AFF3: variants seen among roughly 807,000 people sequenced by gnomAD.
AFF3 encodes the protein ALF transcription elongation factor 3.
A neutral mutation model predicts 129.7 loss-of-function variants in AFF3; 32 were observed. The observed-to-expected ratio is 0.25, with a 90% CI of 0.19 to 0.33. The LOEUF is 0.33. AFF3 is among the 10% of genes least tolerant of loss of function. AFF3 has a pLI of 1.00. For synonymous variants in AFF3, 644 were observed against 635.4 expected (o/e 1.01, Z -0.20); for missense variants, 1,373 against 1,592.0 (o/e 0.86, Z 2.34).
intron 11 of AFF3, among the ~76,000 whole-genome samples, chr2:99,687,019 C>T (rs1013401279): frequency 1.3e-5 from 2 of 152,224 alleles, no homozygotes; most frequent in African/African-American, 4.8e-5. Context: ...ATGGTTCCTC[C>T]CTTAGGGAGC....
At chr2:99,993,850 G>A (rs1680590646) in intron 7 of AFF3, among the ~76,000 whole-genome samples, 1 of 127,168 alleles carries the variant, frequency 7.9e-6, no homozygotes, top group Non-Finnish European at 1.6e-5. Flanking sequence ...TTGTTGCCCA[G>A]GCTGGAGTGC....
At chr2:99,784,482 G>A (rs1335947067) in intron 8 of AFF3, among the ~76,000 whole-genome samples, 1 of 152,196 alleles carries the variant, frequency 6.6e-6, no homozygotes. Flanking sequence ...TCCCTCTAGA[G>A]GCCTGAAACA....
chr2:100,088,413 A>G (rs1470468708), intron 4 of AFF3, among the ~76,000 whole-genome samples: 2 of 152,090 alleles, frequency 1.3e-5, no homozygotes, highest in African/African-American at 4.8e-5. Flanking sequence ...GGCACCTAAA[A>G]AGCTTCCTCT....
Position 99,882,908 on chromosome 2 carries a change from T to G in AFF3, c.874-45384A>C, listed in dbSNP as rs566781820. Among the ~76,000 whole-genome samples, 3 of 152,338 alleles carry G rather than the reference T, an allele frequency of 2.0e-5. No individual in the cohort carries two copies. In the South Asian group the frequency reaches 6.2e-4, roughly 32 times the overall value. ...CACTAATTAGTGAGGAAGAAGCCAA[T>G]GTCCTGTGTTGATAGGGCCCGGTGC... On this transcript the variant is annotated intron_variant, in intron 7 of 24. Coordinates refer to ENST00000672756, the MANE Select transcript of AFF3 (RefSeq NM_001386135.1).
At position 99,547,441 on chromosome 2, in the gene AFF3, A is replaced by C. The variant is rs1479870647; in HGVS notation, c.*4033T>G. On this transcript the variant is annotated 3_prime_UTR_variant, in exon 25 of 25. Transcript: ENST00000672756. ...TCTCTTGGGAATCTACAAATAGGAA[A>C]TCACACGCAGATTACTGGGTCTGAA... 3 of 216,088 alleles carry C rather than the reference A, an allele frequency of 1.4e-5. No individual in the cohort carries two copies. The highest frequency in any genetic ancestry group is 4.5e-5 in the African/African-American group (2 of 44,378). 13.4% of individuals were successfully genotyped at this position (216,088 alleles called of 1,614,324 possible).
intron 13 of AFF3, among the ~76,000 whole-genome samples, chr2:99,646,583 G>T (rs1684715377): frequency 6.6e-6 from 1 of 152,214 alleles, no homozygotes; most frequent in Non-Finnish European, 1.5e-5. Flanking sequence ...AGTAGCCAGA[G>T]ATATTGGGCC....
Position 99,892,117 on chromosome 2 carries a change from C to T in AFF3, c.874-54593G>A, listed in dbSNP as rs149102671. Among the ~76,000 whole-genome samples, 541 of 152,230 alleles carry T rather than the reference C, an allele frequency of 3.6e-3. 2 individuals carry two copies. Among genetic ancestry groups the T allele is most frequent in the African/African-American group, 0.013 (521 of 41,558 alleles). On this transcript the variant is annotated intron_variant, in intron 7 of 24. Coordinates refer to ENST00000672756, the MANE Select transcript of AFF3 (RefSeq NM_001386135.1). ...GATTACAGGCATGAGCCACCACACC[C>T]GGCCAAAGCCCACCAGCTTTTGAAG...
At chr2:99,796,743 C>A (rs903315250) in intron 8 of AFF3, among the ~76,000 whole-genome samples, 1 of 152,104 alleles carries the variant, frequency 6.6e-6, no homozygotes, top group Non-Finnish European at 1.5e-5. Flanking sequence ...AAAAAATAAC[C>A]TGAGGCTAGG....
chr2:100,086,618 G>A (rs1426583314), intron 4 of AFF3, among the ~76,000 whole-genome samples: 1 of 152,188 alleles, frequency 6.6e-6, no homozygotes, highest in East Asian at 1.9e-4. Context: ...ATGACAGTGG[G>A]GTGATCCAGG....
rs1035050753 is a variant in AFF3 at position 99,845,992 on chromosome 2, C to T, written c.874-8468G>A. ...GGACTACAGGTGCCCACCATCACAC[C>T]CGGCTAATTTTTTGTATTTTTAGTA... On this transcript the variant is annotated intron_variant, in intron 7 of 24. Coordinates refer to ENST00000672756, the MANE Select transcript of AFF3 (RefSeq NM_001386135.1). Among the ~76,000 whole-genome samples the T allele has an allele frequency of 7.9e-5, 12 of 151,640 alleles. No individual in the cohort carries two copies. The East Asian group carries it at 1.6e-3, about 20-fold the overall frequency.
chr2:99,690,328 C>A (rs1177392959), intron 11 of AFF3, among the ~76,000 whole-genome samples: 4 of 150,782 alleles, frequency 2.7e-5, no homozygotes, highest in African/African-American at 4.9e-5. Flanking sequence ...CTACAGGCAC[C>A]CGCCACCACG....
At chr2:99,811,860 G>A (rs879757996) in intron 8 of AFF3, among the ~76,000 whole-genome samples, 2 of 152,254 alleles carry the variant, frequency 1.3e-5, no homozygotes, top group Non-Finnish European at 2.9e-5. Flanking sequence ...ATAAAAGAAT[G>A]CAGCTGTACG....
At chr2:99,713,121 CAGTTTGGGAAGATAAAAAGAGT>C (rs1412679764) in intron 11 of AFF3, among the ~76,000 whole-genome samples, 1 of 152,084 alleles carries the variant, frequency 6.6e-6, no homozygotes, top group Non-Finnish European at 1.5e-5. Context: ...CACAGAGTTT[CAGTTTGGGAAGATAAAAAGAGT>C]TCTAAGGAGA....
intron 4 of AFF3, among the ~76,000 whole-genome samples, chr2:100,054,344 T>G (rs1686596842): frequency 6.6e-6 from 1 of 152,166 alleles, no homozygotes; most frequent in African/African-American, 2.4e-5. Context: ...TGGATAGAAG[T>G]AACATTTCAA....
intron 7 of AFF3, among the ~76,000 whole-genome samples, chr2:99,919,290 A>G (rs2106238954): frequency 6.6e-6 from 1 of 152,326 alleles, no homozygotes; most frequent in Middle Eastern, 3.4e-3. Context: ...CACATCAATT[A>G]AAACTAGATA....
chr2:99,867,548 A>T (rs1171138650), intron 7 of AFF3, among the ~76,000 whole-genome samples: 2 of 145,670 alleles, frequency 1.4e-5, no homozygotes, highest in African/African-American at 5.1e-5. Flanking sequence ...TCCACCACAC[A>T]GTCTCCCCAA....
intron 2 of AFF3, chr2:100,105,990 C>A (rs1196953397): frequency 1.5e-6 from 2 of 1,324,762 alleles, no homozygotes; most frequent in East Asian, 9.0e-5. Context: ...GTGCAAGTGA[C>A]GGGATCCCTC....
At chr2:99,948,764 A>G (rs1675877530) in intron 7 of AFF3, among the ~76,000 whole-genome samples, 2 of 152,070 alleles carry the variant, frequency 1.3e-5, no homozygotes, top group African/African-American at 4.8e-5. Context: ...CAGTCTCAAA[A>G]CACAAGAATA....
At chr2:99,799,605 G>A (rs565096431) in intron 8 of AFF3, among the ~76,000 whole-genome samples, 2 of 151,996 alleles carry the variant, frequency 1.3e-5, no homozygotes, top group African/African-American at 4.8e-5. Context: ...TTTTATTTGT[G>A]TGGAAATTGA....
Sources: allele counts gnomAD v4.1 joint callset (sites outside exome capture counted in the v4.1 genomes callset), GRCh38; gene constraint gnomAD v4.1.1; transcripts MANE v1.5; gene names NCBI Gene and HGNC (gene_info 2026-07-23, HGNC 2026-07-21).